Variants in FLT1 observed in about 807,000 individuals in gnomAD.
FLT1 encodes fms related receptor tyrosine kinase 1, also known as vascular endothelial growth factor receptor 1.
FLT1 carries 49 observed loss-of-function variants against 156.3 expected under a neutral mutation model. The ratio of observed to expected loss-of-function variants is 0.31; its 90% CI spans 0.25 to 0.40. The LOEUF (loss-of-function observed/expected upper bound fraction) is 0.40. FLT1 is among the 10% of genes least tolerant of loss of function. The probability of loss-of-function intolerance (pLI) is 1.00; values close to 1 mark genes in which losing one functional copy is unlikely to be tolerated. For missense variants in FLT1, 1,322 were observed against 1,637.2 expected (o/e 0.81, Z 3.32); for synonymous variants, 594 against 583.8 (o/e 1.02, Z -0.25).
chr13:28,405,821 T>G lies in FLT1; in HGVS notation c.1510A>C (p.Ser504Arg). The G allele has an allele frequency of 6.2e-7, 1 of 1,609,724 alleles. No individual in the cohort carries two copies. Among genetic ancestry groups the G allele is most frequent in the East Asian group, 2.2e-5 (1 of 44,862 alleles). The change falls in exon 11 of 30, where the codon AGC (serine) becomes CGC (arginine). Residue 504 changes from serine (S) to arginine (R), a missense_variant. Physicochemically the swap from Ser to Arg is moderately radical, Grantham distance 110 (BLOSUM62 -1). Transcript: ENST00000282397. ...ADSNMGNRIE[S>R]ITQRMAIIEG... The stretch of plus-strand genomic sequence containing the variant: ...ATTATTGCCATGCGCTGAGTGATGC[T>G]CTCAATTCTGTTTCCCATGTTGCTG...
At chr13:28,467,877 G>A (rs1879939866) in intron 1 of FLT1, among the ~76,000 whole-genome samples, 1 of 152,036 alleles carries the variant, frequency 6.6e-6, no homozygotes, top group South Asian at 2.1e-4. Flanking sequence ...GCCTATTTAT[G>A]TAGAATGGTA....
chr13:28,418,401 ACT>A (rs1876783218), intron 10 of FLT1, among the ~76,000 whole-genome samples: 1 of 152,010 alleles, frequency 6.6e-6, no homozygotes, highest in Admixed American at 6.6e-5. Flanking sequence ...GTCAGCTCTA[ACT>A]CACGACAGAC....
At position 28,427,418 on chromosome 13, in the gene FLT1, C is replaced by A. The variant is rs533211263; in HGVS notation, c.1277-100G>T. The A allele has an allele frequency of 2.7e-6, 3 of 1,114,756 alleles. No individual in the cohort carries two copies. In the South Asian group the frequency reaches 3.9e-5, roughly 14 times the overall value. 69.1% of individuals were successfully genotyped at this position (1,114,756 alleles called of 1,614,324 possible). A position where few individuals can be genotyped will look rare whatever the true frequency, so the allele number is the denominator to read the frequency against. On this transcript the variant is annotated intron_variant, in intron 9 of 29. Transcript: ENST00000282397. ...ACCACATTCTCACTGGCTTTGATGTCAGGGAAACAAACAAGAAACAAAAAA... is the reference window on the plus strand; with the variant it reads ...ACCACATTCTCACTGGCTTTGATGTAAGGGAAACAAACAAGAAACAAAAAA...
chr13:28,370,190 A>G (rs1873493026), intron 14 of FLT1, among the ~76,000 whole-genome samples: 1 of 146,224 alleles, frequency 6.8e-6, no homozygotes, highest in Admixed American at 6.9e-5. Context: ...TCTCAAAAAG[A>G]AAAAAAAAAA....
At chr13:28,427,966 C>G in intron 8 of FLT1, 45 bp from the exon 9 acceptor site, 1 of 1,530,822 alleles carries the variant, frequency 6.5e-7, no homozygotes, top group Non-Finnish European at 9.1e-7. Context: ...CACGGCCTCT[C>G]AATATCACTT....
chr13:28,427,444 A>C (rs939536572), intron 9 of FLT1, 126 bp from the exon 10 acceptor site: 1 of 901,286 alleles, frequency 1.1e-6, no homozygotes, highest in Non-Finnish European at 1.8e-6. Context: ...AAACAAAAAA[A>C]CAAATAAACC....
At chr13:28,317,462 C>T (rs1566282412) in intron 25 of FLT1, 36 bp downstream of exon 25, 3 of 1,311,128 alleles carry the variant, frequency 2.3e-6, no homozygotes, top group African/African-American at 1.4e-5. Flanking sequence ...GAAAAGCGAG[C>T]TGTCAGATGG....
At chr13:28,436,072 T>G (rs2137556676) in intron 4 of FLT1, among the ~76,000 whole-genome samples, 1 of 152,370 alleles carries the variant, frequency 6.6e-6, no homozygotes, top group African/African-American at 2.4e-5. Flanking sequence ...AGTGTTTCTC[T>G]TACTCTCATC....
chr13:28,320,898 G>A (rs977442148), intron 23 of FLT1, among the ~76,000 whole-genome samples: 2 of 152,126 alleles, frequency 1.3e-5, no homozygotes, highest in Admixed American at 6.5e-5. Flanking sequence ...GACATGGGAG[G>A]TCATCCACAA....
At chr13:28,387,928 T>C in intron 13 of FLT1, 2 of 1,059,710 alleles carry the variant, frequency 1.9e-6, no homozygotes, top group Non-Finnish European at 2.3e-6. Flanking sequence ...AATACTAACA[T>C]CCTCCCCTCC....
rs1179818619 is a variant in FLT1, at chr13:28,300,653, C to G, written c.*2514G>C. The G allele has an allele frequency of 2.6e-5, 6 of 232,390 alleles. No homozygotes were observed. The allele number at this position is 232,390 out of a possible 1,614,324, so 14.4% of individuals were successfully genotyped here. On this transcript the variant is annotated 3_prime_UTR_variant, in exon 30 of 30. Transcript: ENST00000282397. The stretch of plus-strand genomic sequence containing the variant: ...TGTTTGATGTTTGCATTCTTGTGGG[C>G]TAGGAAACAAGGCACGGGTCCCTAA...
chr13:28,388,602 AACTG>A (rs1272580347), intron 13 of FLT1: 3 of 1,055,632 alleles, frequency 2.8e-6, no homozygotes, highest in Admixed American at 5.4e-5. Flanking sequence ...CTTGATTTAA[AACTG>A]GTGTGTATTT....
Position 28,396,055 on chromosome 13 carries a change from T to C in FLT1, c.1660+905A>G, listed in dbSNP as rs1294613120. 3.9e-5 allele frequency among the ~76,000 whole-genome samples: 6 copies of C among 152,354 alleles called. No individual in the cohort carries two copies. The East Asian group carries it at 1.2e-3, about 29-fold the overall frequency. On this transcript the variant is annotated intron_variant, in intron 12 of 29. Transcript: ENST00000282397. ...AAAATACAAGAGCTATGATGCAGAA[T>C]AGCCTCTAGAATCCCTGACAGCCCT...
At chr13:28,383,266 C>T (rs1229699424) in intron 14 of FLT1, among the ~76,000 whole-genome samples, 1 of 151,672 alleles carries the variant, frequency 6.6e-6, no homozygotes, top group East Asian at 1.9e-4. Context: ...TCTGTGAATT[C>T]AACAAAAAAA....
intron 14 of FLT1, 72 bp from the exon 15 acceptor site, chr13:28,357,757 CCTT>C (rs1872952843): frequency 7.2e-7 from 1 of 1,383,470 alleles, no homozygotes. Flanking sequence ...TGTAACACAG[CCTT>C]CTTCCTATCA....
intron 14 of FLT1, among the ~76,000 whole-genome samples, chr13:28,359,166 G>A (rs943959126): frequency 3.9e-5 from 6 of 152,134 alleles, no homozygotes; most frequent in African/African-American, 1.2e-4. Context: ...AATCAAAACA[G>A]CATGGTACTG....
chr13:28,339,435 C>T, intron 16 of FLT1, 135 bp from the exon 17 acceptor site: 1 of 825,910 alleles, frequency 1.2e-6, no homozygotes, highest in South Asian at 1.6e-5. Flanking sequence ...AGTACTTCTC[C>T]ACATTCACAT....
rs184301551 is a variant in FLT1, at chr13:28,418,935, T to C, written c.1436+8224A>G. ...ATAACTCCCTGAGCTTCAGTTTTAC[T>C]TATGGGAAAATAGGGCAAGTAATCA... is the stretch of plus-strand genomic sequence containing the variant. On this transcript the variant is annotated intron_variant, in intron 10 of 29. Coordinates refer to ENST00000282397, the MANE Select transcript of FLT1 (RefSeq NM_002019.4). 7.4e-3 allele frequency among the ~76,000 whole-genome samples: 1,122 copies of C among 152,248 alleles called. 10 individuals carry two copies. Among genetic ancestry groups the C allele is most frequent in the Non-Finnish European group, 0.011 (750 of 68,020 alleles).
intron 11 of FLT1, among the ~76,000 whole-genome samples, chr13:28,401,389 G>T (rs899720459): frequency 6.6e-6 from 1 of 152,124 alleles, no homozygotes; most frequent in Non-Finnish European, 1.5e-5. Flanking sequence ...TATGACCCAG[G>T]AATGCTCATA....
Sources: allele counts gnomAD v4.1 joint callset (sites outside exome capture counted in the v4.1 genomes callset), GRCh38; gene constraint gnomAD v4.1.1; transcripts MANE v1.5; gene names NCBI Gene and HGNC (gene_info 2026-07-23, HGNC 2026-07-21).